Variants in SGMS2 observed in about 807,000 individuals in gnomAD.
The protein encoded by SGMS2 is sphingomyelin synthase 2.
In SGMS2, 21 loss-of-function variants were observed where a neutral mutation model predicts 43.8. The observed-to-expected ratio is 0.48, with a 90% CI of 0.34 to 0.69. The LOEUF (loss-of-function observed/expected upper bound fraction) is 0.69. SGMS2 is among the 30% of genes least tolerant of loss of function. SGMS2 has a pLI of 0.01. For synonymous variants in SGMS2, 167 were observed against 160.6 expected, an observed-to-expected ratio of 1.04 and a Z score of -0.30; for missense variants, 384 against 443.2, an observed-to-expected ratio of 0.87 and a Z score of 1.20.
At chr4:107,866,814 G>C (rs928281587) in intron 2 of SGMS2, 1 of 152,062 alleles carries the variant, frequency 6.6e-6, no homozygotes, top group Non-Finnish European at 1.5e-5. Context: ...TTTATATGAT[G>C]ATATATTTTT....
intron 2 of SGMS2, among the ~76,000 whole-genome samples, chr4:107,887,715 C>G (rs1729871039): frequency 6.6e-6 from 1 of 152,148 alleles, no homozygotes; most frequent in Non-Finnish European, 1.5e-5. Context: ...TAAAATAAGT[C>G]ATTTCATTTA....
chr4:107,843,876 C>G (rs1245494620), intron 1 of SGMS2, among the ~76,000 whole-genome samples: 5 of 152,196 alleles, frequency 3.3e-5, no homozygotes, highest in African/African-American at 1.2e-4. Context: ...ATAAAACTTA[C>G]ATGGAATTTT....
intron 3 of SGMS2, 70 bp from the exon 4 acceptor site, chr4:107,899,505 G>C: frequency 2.0e-6 from 2 of 1,019,250 alleles, no homozygotes; most frequent in Non-Finnish European, 3.0e-6. Context: ...GTTAAACATT[G>C]TTTTATTTTT....
At chr4:107,872,194 C>G (rs548245971) in intron 2 of SGMS2, among the ~76,000 whole-genome samples, 1 of 152,142 alleles carries the variant, frequency 6.6e-6, no homozygotes, top group South Asian at 2.1e-4. Flanking sequence ...TCCTGATGTT[C>G]TTTTGACTTG....
intron 1 of SGMS2, among the ~76,000 whole-genome samples, chr4:107,858,193 C>A (rs1267547933): frequency 6.6e-6 from 1 of 152,150 alleles, no homozygotes; most frequent in Non-Finnish European, 1.5e-5. Context: ...CATCAGGAGG[C>A]AAGGGAATCT....
chr4:107,834,190 C>T (rs1726046604), intron 1 of SGMS2, among the ~76,000 whole-genome samples: 1 of 152,138 alleles, frequency 6.6e-6, no homozygotes. Context: ...CAGAGGGCTG[C>T]CTGATCTCAT....
At position 107,895,360 on chromosome 4, in the gene SGMS2, GTGGT is replaced by G; in HGVS notation, c.-193_-190del. ...GAAGAATTGGCTTCCTTTCTTGAAA[GTGGT>G]GAAGGTACAGCATATAGCTGCATGG... On this transcript the variant is annotated 5_prime_UTR_variant, in exon 3 of 7. Coordinates refer to ENST00000690982, the MANE Select transcript of SGMS2 (RefSeq NM_001375905.1). 3.7e-6 allele frequency: 2 copies of G among 536,374 alleles called. No individual in the cohort carries two copies. The highest frequency in any genetic ancestry group is 1.9e-5 in the African/African-American group (1 of 52,426). The allele number at this position is 536,374 out of a possible 1,614,324, so 33.2% of individuals were successfully genotyped here.
At chr4:107,839,396 C>A (rs1444842983) in intron 1 of SGMS2, among the ~76,000 whole-genome samples, 3 of 151,652 alleles carry the variant, frequency 2.0e-5, no homozygotes, top group Admixed American at 2.0e-4. Flanking sequence ...TTTCCCTTCT[C>A]TCCTACTTCT....
At chr4:107,896,064 A>G in intron 3 of SGMS2, 56 bp downstream of exon 3, 1 of 1,484,500 alleles carries the variant, frequency 6.7e-7, no homozygotes, top group Non-Finnish European at 9.2e-7. Flanking sequence ...GAGTGAATAG[A>G]TGGGTTATTG....
chr4:107,855,276 C>T (rs1015142867), intron 1 of SGMS2, among the ~76,000 whole-genome samples: 5 of 152,048 alleles, frequency 3.3e-5, no homozygotes, highest in African/African-American at 1.2e-4. Flanking sequence ...CCTTGAGGTA[C>T]ACCATTAGGT....
At chr4:107,880,607 G>A (rs1174359675) in intron 2 of SGMS2, among the ~76,000 whole-genome samples, 60 of 152,138 alleles carry the variant, frequency 3.9e-4, no homozygotes, top group Admixed American at 3.7e-3. Context: ...TATAATCGCA[G>A]CACTTTAGGA....
intron 1 of SGMS2, among the ~76,000 whole-genome samples, chr4:107,851,341 T>A (rs1390311656): frequency 2.0e-5 from 3 of 152,118 alleles, no homozygotes; most frequent in Non-Finnish European, 4.4e-5. Flanking sequence ...GTAAGCAACC[T>A]CTTAGAAATC....
At position 107,908,489 on chromosome 4, in the gene SGMS2, G is replaced by C. The variant is rs1047153314; in HGVS notation, c.728-76G>C. 7 of 1,413,530 alleles carry C rather than the reference G, an allele frequency of 5.0e-6. No homozygotes were observed. In the African/African-American group the frequency reaches 8.6e-5, roughly 17 times the overall value. The allele number at this position is 1,413,530 out of a possible 1,614,324, so 87.6% of individuals were successfully genotyped here. ...CCTGATCCTGGGTTATTCTACTTAA[G>C]GTCGTTAGGACAGACTGTAATCATT... On this transcript the variant is annotated intron_variant, in intron 5 of 6. Coordinates refer to ENST00000690982, the MANE Select transcript of SGMS2 (RefSeq NM_001375905.1).
chr4:107,828,244 AACGAGTATTGATCTT>A (rs1257469694), intron 1 of SGMS2, among the ~76,000 whole-genome samples: 1 of 152,188 alleles, frequency 6.6e-6, no homozygotes, highest in Non-Finnish European at 1.5e-5. Context: ...ACAAACAGCT[AACGAGTATTGATCTT>A]ACTATGGGCC....
At chr4:107,900,378 G>A (rs1731022238) in intron 4 of SGMS2, among the ~76,000 whole-genome samples, 1 of 152,208 alleles carries the variant, frequency 6.6e-6, no homozygotes. Flanking sequence ...ATCACATAGG[G>A]TCTTGCAGCC....
At chr4:107,867,033 C>T (rs1168202660) in intron 2 of SGMS2, 1 of 152,038 alleles carries the variant, frequency 6.6e-6, no homozygotes, top group Non-Finnish European at 1.5e-5. Context: ...AGCCATGGAA[C>T]CCAGATTTCA....
chr4:107,893,209 G>C (rs1730381205), intron 2 of SGMS2: 1 of 152,100 alleles, frequency 6.6e-6, no homozygotes, highest in African/African-American at 2.4e-5. Context: ...ATTTTCTTCT[G>C]TTCCACATTC....
intron 1 of SGMS2, among the ~76,000 whole-genome samples, chr4:107,845,711 C>G (rs1726769506): frequency 6.6e-6 from 1 of 152,188 alleles, no homozygotes; most frequent in South Asian, 2.1e-4. Flanking sequence ...TAAAGCAAGT[C>G]TTCTCTTAGG....
At chr4:107,830,508 A>G (rs1031704856) in intron 1 of SGMS2, among the ~76,000 whole-genome samples, 3 of 152,328 alleles carry the variant, frequency 2.0e-5, no homozygotes, top group South Asian at 2.1e-4. Context: ...CCAGCAGTAT[A>G]TAAGTGTTCC....
Sources: allele counts gnomAD v4.1 joint callset (sites outside exome capture counted in the v4.1 genomes callset), GRCh38; gene constraint gnomAD v4.1.1; transcripts MANE v1.5; gene names NCBI Gene and HGNC (gene_info 2026-07-23, HGNC 2026-07-21).